The following USP12 variants were observed in gnomAD, a reference collection of about 807,000 sequenced individuals.
USP12 encodes the protein ubiquitin carboxyl-terminal hydrolase 12.
In USP12, 19 loss-of-function variants were observed where a neutral mutation model predicts 45.5. The observed-to-expected ratio is 0.42, with a 90% CI of 0.29 to 0.61. The LOEUF is 0.61. Ranked by LOEUF, USP12 falls within the 20% of genes least tolerant of loss-of-function variation. USP12 has a pLI of 0.22. For missense variants in USP12, 242 were observed against 447.7 expected (o/e 0.54, Z 4.15); for synonymous variants, 149 against 148.8 (o/e 1.00, Z -0.01).
At chr13:27,097,846 T>C (rs1392057423) in intron 3 of USP12, among the ~76,000 whole-genome samples, 1 of 152,196 alleles carries the variant, frequency 6.6e-6, no homozygotes, top group African/African-American at 2.4e-5. Flanking sequence ...CCAGCAGTGG[T>C]TGGGACTTCA....
chr13:27,156,908 T>C (rs1470010176), intron 1 of USP12, among the ~76,000 whole-genome samples: 1 of 152,180 alleles, frequency 6.6e-6, no homozygotes, highest in African/African-American at 2.4e-5. Flanking sequence ...AGTAACAGCA[T>C]GATCCGGCGG....
chr13:27,101,711 A>AATAGCT (rs1874868910), intron 3 of USP12, among the ~76,000 whole-genome samples: 1 of 152,240 alleles, frequency 6.6e-6, no homozygotes, highest in African/African-American at 2.4e-5. Flanking sequence ...ATAATTCAGA[A>AATAGCT]ATAGCTATAA....
intron 1 of USP12, among the ~76,000 whole-genome samples, chr13:27,140,332 T>C (rs533844756): frequency 1.2e-4 from 19 of 152,328 alleles, no homozygotes; most frequent in African/African-American, 3.6e-4. Context: ...TGAAAACTCA[T>C]TGAAGTTTAC....
rs572218109 is a variant in USP12, at chr13:27,167,603, T to C, written c.48+3989A>G. ...CCTTCTTAAATTAACACAGCAAAATTAGATAAGTAAAACAATGGCAACTCA... is the reference window on the plus strand; with the variant it reads ...CCTTCTTAAATTAACACAGCAAAATCAGATAAGTAAAACAATGGCAACTCA... On this transcript the variant is annotated intron_variant, in intron 1 of 8. Coordinates refer to ENST00000282344, the MANE Select transcript of USP12 (RefSeq NM_182488.4). 1.6e-4 allele frequency among the ~76,000 whole-genome samples: 24 copies of C among 152,068 alleles called. 1 individual carries two copies. The highest frequency in any genetic ancestry group is 3.4e-3 in the Middle Eastern group (1 of 292).
intron 4 of USP12, among the ~76,000 whole-genome samples, chr13:27,092,968 G>A (rs1301966762): frequency 6.6e-6 from 1 of 152,184 alleles, no homozygotes; most frequent in Non-Finnish European, 1.5e-5. Context: ...AGGCCAAGGT[G>A]GGTGGATCAC....
chr13:27,145,245 A>C (rs1877260263), intron 1 of USP12, among the ~76,000 whole-genome samples: 1 of 152,202 alleles, frequency 6.6e-6, no homozygotes, highest in African/African-American at 2.4e-5. Context: ...AAAAACATGA[A>C]ATTCTGGACC....
intron 1 of USP12, among the ~76,000 whole-genome samples, chr13:27,168,625 T>C (rs1878450909): frequency 1.3e-5 from 2 of 152,318 alleles, no homozygotes; most frequent in South Asian, 2.1e-4. Context: ...TATTATTTCA[T>C]AGACAAATTA....
At chr13:27,073,714 T>C (rs1283225173) in intron 7 of USP12, among the ~76,000 whole-genome samples, 1 of 152,240 alleles carries the variant, frequency 6.6e-6, no homozygotes, top group African/African-American at 2.4e-5. Flanking sequence ...ATTACATTTT[T>C]GTTAATAGAA....
At chr13:27,085,529 A>G (rs1339216707) in intron 6 of USP12, among the ~76,000 whole-genome samples, 1 of 152,082 alleles carries the variant, frequency 6.6e-6, no homozygotes, top group African/African-American at 2.4e-5. Context: ...CTGTATACTC[A>G]ACACAAGCTT....
intron 1 of USP12, among the ~76,000 whole-genome samples, chr13:27,133,174 AAC>A (rs1876591037): frequency 6.6e-6 from 1 of 152,226 alleles, no homozygotes; most frequent in African/African-American, 2.4e-5. Context: ...ATCTATTAAT[AAC>A]ACAGTCTATC....
chr13:27,084,604 G>C (rs765258225), intron 6 of USP12, among the ~76,000 whole-genome samples: 1 of 150,480 alleles, frequency 6.6e-6, no homozygotes, highest in Non-Finnish European at 1.5e-5. Flanking sequence ...ATTCTTTTTC[G>C]TGTGGATATT....
At chr13:27,121,448 T>A (rs1305352521) in intron 1 of USP12, among the ~76,000 whole-genome samples, 1 of 152,022 alleles carries the variant, frequency 6.6e-6, no homozygotes, top group Non-Finnish European at 1.5e-5. Flanking sequence ...CACGAAGAAT[T>A]CCTACAAATA....
At position 27,089,358 on chromosome 13, in the gene USP12, G is replaced by C. The variant is rs1874208794; in HGVS notation, c.734+525C>G. ...CAGTAACTTATTTTCAAATGGTTTAGGGTAAAAAAGCTTTCTTGGTCTATT... is the reference window on the plus strand; with the variant it reads ...CAGTAACTTATTTTCAAATGGTTTACGGTAAAAAAGCTTTCTTGGTCTATT... On this transcript the variant is annotated intron_variant, in intron 6 of 8. Transcript: ENST00000282344. 2.6e-5 allele frequency: 4 copies of C among 152,820 alleles called. 1 individual carries two copies. The South Asian group carries it at 8.2e-4, about 31-fold the overall frequency. 9.5% of individuals were successfully genotyped at this position (152,820 alleles called of 1,614,324 possible).
intron 3 of USP12, among the ~76,000 whole-genome samples, chr13:27,102,263 C>A (rs1874901078): frequency 6.6e-6 from 1 of 152,144 alleles, no homozygotes; most frequent in South Asian, 2.1e-4. Context: ...TGTTGTATTT[C>A]TTCCAAAATA....
At chr13:27,082,495 T>C (rs1873804395) in intron 6 of USP12, among the ~76,000 whole-genome samples, 2 of 152,230 alleles carry the variant, frequency 1.3e-5, no homozygotes, top group Admixed American at 6.5e-5. Flanking sequence ...TTTTGCTTTC[T>C]TATCATTTGT....
intron 6 of USP12, among the ~76,000 whole-genome samples, chr13:27,086,191 A>ATATATAT (rs1555233222): frequency 0.014 from 1,042 of 72,104 alleles, 10 homozygotes; most frequent in Non-Finnish European, 0.02. Flanking sequence ...AAAAAAAAAA[A>ATATATAT]AAAAAAATAT....
At position 27,089,957 on chromosome 13, in the gene USP12, G is replaced by A; in HGVS notation, c.660C>T (p.Ser220=). 1 of 1,608,266 alleles carries A rather than the reference G, an allele frequency of 6.2e-7. No individual in the cohort carries two copies. ...ATTCACTGCACAGAGTTTCTGTGTTGCTGAAACCCCTGTGTGAAATTCAAA... is the reference window on the plus strand; with the variant it reads ...ATTCACTGCACAGAGTTTCTGTGTTACTGAAACCCCTGTGTGAAATTCAAA... The part of the protein sequence containing the change: ...TSITHCLRGF[S]NTETLCSEYK... Residue 220 remains serine (S), a synonymous_variant, in exon 6 of 9, where the codon AGC becomes AGT. Coordinates refer to ENST00000282344, the MANE Select transcript of USP12 (RefSeq NM_182488.4).
intron 4 of USP12, among the ~76,000 whole-genome samples, chr13:27,091,609 A>G (rs1487902378): frequency 1.3e-5 from 2 of 152,168 alleles, no homozygotes; most frequent in African/African-American, 4.8e-5. Context: ...CCAGTCTAAA[A>G]CTCAGGGAAG....
At chr13:27,155,185 A>T (rs529758564) in intron 1 of USP12, among the ~76,000 whole-genome samples, 1 of 142,836 alleles carries the variant, frequency 7.0e-6, no homozygotes, top group Non-Finnish European at 1.5e-5. Flanking sequence ...AGGTTCAAGC[A>T]ATTCTCCTGC....
Sources: gnomAD v4.1 joint callset for allele counts (sites outside exome capture counted in the v4.1 genomes callset) on GRCh38, gnomAD v4.1.1 for gene constraint, MANE v1.5 for transcripts, NCBI Gene and HGNC (gene_info 2026-07-23, HGNC 2026-07-21) for gene names.